TRIM14: variants seen among roughly 807,000 people sequenced by gnomAD.
TRIM14 encodes the protein tripartite motif containing 14, also known as tripartite motif-containing protein 14.
A neutral mutation model predicts 44.5 loss-of-function variants in TRIM14; 28 were observed. The observed-to-expected ratio is 0.63, with a 90% confidence interval of 0.47 to 0.86. The LOEUF (loss-of-function observed/expected upper bound fraction) is 0.86, where lower values mean the gene tolerates loss of function less well. TRIM14 is among the 40% of genes least tolerant of loss of function. The pLI, the probability that TRIM14 is intolerant of heterozygous loss-of-function variation, is 0.00. For missense variants in TRIM14, 607 were observed against 611.1 expected, an observed-to-expected ratio of 0.99 and a Z score of 0.07; for synonymous variants, 299 against 269.2, an observed-to-expected ratio of 1.11 and a Z score of -1.08.
At chr9:98,079,246 C>T (rs1179177802) in intron 6 of TRIM14, among the ~76,000 whole-genome samples, 4 of 152,238 alleles carry the variant, frequency 2.6e-5, no homozygotes, top group African/African-American at 9.6e-5. Context: ...CGCCATCTCT[C>T]TCAGTTCTTC....
Position 98,087,725 on chromosome 9 carries a change from G to C in TRIM14, c.1074C>G (p.Asn358Lys). ...GASAAARLGC[N>K]RQSWCLKRYD... Reference sequence around the variant, plus strand: ...AGCGCTTGAGGCACCAGGACTGGCGGTTGCAGCCCAGGCGGGCGGCGGCCG... The same window carrying C: ...AGCGCTTGAGGCACCAGGACTGGCGCTTGCAGCCCAGGCGGGCGGCGGCCG... The change falls in exon 6 of 6, where the codon AAC becomes AAG. Residue 358 changes from asparagine (N) to lysine (K), a missense_variant. Coordinates refer to ENST00000341469, the MANE Select transcript of TRIM14 (RefSeq NM_014788.4). The C allele has an allele frequency of 6.3e-7, 1 of 1,590,186 alleles. No individual in the cohort carries two copies. The highest frequency in any genetic ancestry group is 8.5e-7 in the Non-Finnish European group (1 of 1,175,380).
At position 98,108,397 on chromosome 9, in the gene TRIM14, A is replaced by G. The variant is rs369003366; in HGVS notation, c.303+1492T>C. Among the ~76,000 whole-genome samples, 346 of 149,774 alleles carry G rather than the reference A, an allele frequency of 2.3e-3. 4 individuals are homozygous for G. Among genetic ancestry groups the G allele is most frequent in the African/African-American group, 8.0e-3 (328 of 40,834 alleles). ...TTAAAACATCATGAGTTTTTTGGATATTTTTTTTTTCTTTAGCTCATCAGC... is the reference window on the plus strand; with the variant it reads ...TTAAAACATCATGAGTTTTTTGGATGTTTTTTTTTTCTTTAGCTCATCAGC... On this transcript the variant is annotated intron_variant, in intron 2 of 5. Coordinates refer to ENST00000341469, the MANE Select transcript of TRIM14 (RefSeq NM_014788.4).
At chr9:98,035,943 G>A in the TRIM14 span, among the ~76,000 whole-genome samples, 1 of 152,184 alleles carries the variant, frequency 6.6e-6, no homozygotes, top group South Asian at 2.1e-4. Flanking sequence ...GGGTGTGGTG[G>A]CTCACGGCTG....
chr9:98,109,832 T>A lies in TRIM14; in HGVS notation c.303+57A>T. 2.1e-6 allele frequency: 3 copies of A among 1,447,310 alleles called. No individual in the cohort carries two copies. In the South Asian group the frequency reaches 3.5e-5, roughly 17 times the overall value. 89.7% of individuals were successfully genotyped at this position (1,447,310 alleles called of 1,614,324 possible). A position where few individuals can be genotyped will look rare whatever the true frequency, so the allele number is the denominator to read the frequency against. On this transcript the variant is annotated intron_variant, in intron 2 of 5. Coordinates refer to ENST00000341469, the MANE Select transcript of TRIM14 (RefSeq NM_014788.4). ...ATTGGCTCCATATTGGGGGTCCCTT[T>A]TGTCTGGGGGGAAATGTGGGTCTTT...
At chr9:98,038,268 T>C in the TRIM14 span, among the ~76,000 whole-genome samples, 1 of 152,074 alleles carries the variant, frequency 6.6e-6, no homozygotes, top group Non-Finnish European at 1.5e-5. Flanking sequence ...GTCAGGCTGG[T>C]CTCAAACTCC....
At chr9:98,117,589 C>T (rs913195705) in intron 1 of TRIM14, among the ~76,000 whole-genome samples, 1 of 152,184 alleles carries the variant, frequency 6.6e-6, no homozygotes, top group African/African-American at 2.4e-5. Context: ...GCCACTGTGC[C>T]CGACTGCTTA....
chr9:98,113,136 AAG>A (rs1826918584), intron 1 of TRIM14, among the ~76,000 whole-genome samples: 1 of 120,878 alleles, frequency 8.3e-6, no homozygotes, highest in African/African-American at 3.2e-5. Flanking sequence ...AAAAAAAAAA[AAG>A]AAGGAATTTT....
the TRIM14 span, among the ~76,000 whole-genome samples, chr9:98,048,528 T>C: frequency 2.6e-5 from 4 of 152,318 alleles, no homozygotes; most frequent in Admixed American, 2.0e-4. Context: ...AAATAAGTAC[T>C]TAAATATTTT....
downstream of TRIM14, among the ~76,000 whole-genome samples, chr9:98,066,653 A>T (rs1587909749): frequency 7.0e-6 from 1 of 143,488 alleles, no homozygotes; most frequent in African/African-American, 2.6e-5. Context: ...CCACTTACCG[A>T]TTTTTTTTTT....
rs141899076 is a variant in TRIM14, at chr9:98,094,886, C to T, written c.681G>A (p.Leu227=). ...ACTTACTTTCCTTAAGGCGAATGTCCAATGGCGTCTGTAATGTACTCTCCA... is the reference window on the plus strand; with the variant it reads ...ACTTACTTTCCTTAAGGCGAATGTCTAATGGCGTCTGTAATGTACTCTCCA... The part of the protein sequence containing the change: ...EAVESTLQTP[L]DIRLKESINC... The change falls in exon 4 of 6, where the codon TTG becomes TTA. Residue 227 remains leucine (L), a synonymous_variant. Transcript: ENST00000341469. 8 of 1,613,922 alleles carry T rather than the reference C, an allele frequency of 5.0e-6. No homozygotes were observed. In the African/African-American group the frequency reaches 8.0e-5, roughly 16 times the overall value.
In TRIM14 at chr9:98,087,425, G is replaced by A; in HGVS notation, c.*45C>T. Reference sequence around the variant, plus strand: ...TGATCTAGGTAGATTAGGCGAGACTGGGCAGCTGCGGCGTACCTGGAGGCT... The same window carrying A: ...TGATCTAGGTAGATTAGGCGAGACTAGGCAGCTGCGGCGTACCTGGAGGCT... On this transcript the variant is annotated 3_prime_UTR_variant, in exon 6 of 6. Transcript: ENST00000341469. 6.2e-7 allele frequency: 1 copy of A among 1,608,424 alleles called. No homozygotes were observed. Among genetic ancestry groups the A allele is most frequent in the Middle Eastern group, 1.7e-4 (1 of 6,036 alleles).
chr9:98,119,021 G>A lies in TRIM14; in HGVS notation c.168C>T (p.His56=). The change falls in exon 1 of 6, where the codon CAC becomes CAT. Residue 56 remains histidine, a synonymous_variant. Coordinates refer to ENST00000341469, the MANE Select transcript of TRIM14 (RefSeq NM_014788.4). The stretch of plus-strand genomic sequence containing the variant: ...CTGCCTCCAGCGCCAGGCCCACAGG[G>A]TGGCCACGGTGCGCGCCCAGCACCG... ...LCPVLGAHRG[H]PVGLALEAAV... The A allele has an allele frequency of 6.4e-7, 1 of 1,569,678 alleles. No homozygotes were observed. The highest frequency in any genetic ancestry group is 8.6e-7 in the Non-Finnish European group (1 of 1,167,158).
chr9:98,111,059 A>C (rs532502396), intron 1 of TRIM14, among the ~76,000 whole-genome samples: 167 of 139,708 alleles, frequency 1.2e-3, no homozygotes, highest in Middle Eastern at 0.011. Flanking sequence ...CCCCCCCCCC[A>C]AAAAAAAACA....
chr9:98,062,777 G>GT, the TRIM14 span, among the ~76,000 whole-genome samples: 18,462 of 109,286 alleles, frequency 0.17, 1,918 homozygotes, highest in Admixed American at 0.25. Flanking sequence ...AGTTATTTCA[G>GT]TTTTTTTTTT....
rs550480096 is a variant in TRIM14 at position 98,117,444 on chromosome 9, T to C, written c.207+1538A>G. Among the ~76,000 whole-genome samples the C allele has an allele frequency of 1.6e-4, 24 of 152,234 alleles. No individual in the cohort carries two copies. The South Asian group carries it at 4.8e-3, about 30-fold the overall frequency. On this transcript the variant is annotated intron_variant, in intron 1 of 5. Transcript: ENST00000341469. ...TCCTGAGTAGCTGGGATTACAGATG[T>C]GTACCACCACACCTGGCTGATTTTC...
chr9:98,087,854 G>A lies in TRIM14; in HGVS notation c.945C>T (p.Asp315=), dbSNP rs1327246560. The A allele has an allele frequency of 1.3e-6, 2 of 1,556,560 alleles. No homozygotes were observed. The highest frequency in any genetic ancestry group is 1.7e-6 in the Non-Finnish European group (2 of 1,162,558). The change falls in exon 6 of 6, where the codon GAC becomes GAT. Residue 315 remains aspartate, a synonymous_variant. Transcript: ENST00000341469. ...FDALWQVLAR[D]CFATGRHYWE... ...AGTAGTGGCGGCCGGTGGCGAAGCAGTCACGAGCCAGCACTTGCCAGAGCG... is the reference window on the plus strand; with the variant it reads ...AGTAGTGGCGGCCGGTGGCGAAGCAATCACGAGCCAGCACTTGCCAGAGCG...
At position 98,095,165 on chromosome 9, in the gene TRIM14, G is replaced by T; in HGVS notation, c.538-136C>A. ...GGCCTGGCACCTATGGTCAGCCCAG[G>T]CCATGCCTGCAGGAGCAGAGCCCTG... is the stretch of plus-strand genomic sequence containing the variant. On this transcript the variant is annotated intron_variant, in intron 3 of 5. Coordinates refer to ENST00000341469, the MANE Select transcript of TRIM14 (RefSeq NM_014788.4). The surrounding 1 kb of genome is among the most constrained non-coding windows in gnomAD (Gnocchi z 4.1). 9.0e-7 allele frequency: 1 copy of T among 1,114,980 alleles called. No homozygotes were observed. The highest frequency in any genetic ancestry group is 1.2e-6 in the Non-Finnish European group (1 of 803,742). 69.1% of individuals were successfully genotyped at this position (1,114,980 alleles called of 1,614,324 possible).
At chr9:98,083,239 C>G (rs1377979508), downstream of TRIM14, among the ~76,000 whole-genome samples, 1 of 152,138 alleles carries the variant, frequency 6.6e-6, no homozygotes, top group African/African-American at 2.4e-5. Context: ...AGAAAAAGAT[C>G]CAGTGATGCA....
chr9:98,089,258 C>T (rs1191761119), intron 5 of TRIM14, among the ~76,000 whole-genome samples: 1 of 151,982 alleles, frequency 6.6e-6, no homozygotes, highest in Non-Finnish European at 1.5e-5. Flanking sequence ...CTCACTGCAA[C>T]CTCGGCCTCC....
Sources: gnomAD v4.1 joint callset for allele counts (sites outside exome capture counted in the v4.1 genomes callset) on GRCh38, gnomAD v4.1.1 for gene constraint, Gnocchi (gnomAD v3.1) non-coding constraint, MANE v1.5 for transcripts, NCBI Gene and HGNC (gene_info 2026-07-23, HGNC 2026-07-21) for gene names.